CMIP: variants seen among roughly 807,000 people sequenced by gnomAD.
CMIP encodes the protein C-Maf-inducing protein.
Under a neutral mutation model 97.3 loss-of-function variants are expected in CMIP, and 13 were observed. That is an observed-to-expected ratio of 0.13 (90% CI 0.09 to 0.21). The LOEUF is 0.21. CMIP is among the 10% of genes least tolerant of loss of function. CMIP has a pLI of 1.00. For synonymous variants in CMIP, 538 were observed against 436.3 expected (o/e 1.23, Z -2.91); for missense variants, 847 against 1,024.9 (o/e 0.83, Z 2.37).
chr16:81,690,164 T>G (rs1393699342), intron 10 of CMIP, among the ~76,000 whole-genome samples: 6 of 152,222 alleles, frequency 3.9e-5, no homozygotes, highest in African/African-American at 1.2e-4. Context: ...ATATGAACTT[T>G]AAAGTAGTTT....
At chr16:81,687,429 AACTG>A (rs1350337476) in intron 10 of CMIP, among the ~76,000 whole-genome samples, 1 of 152,158 alleles carries the variant, frequency 6.6e-6, no homozygotes, top group Non-Finnish European at 1.5e-5. Flanking sequence ...CTTAGGCGAG[AACTG>A]ACTACCTCTG....
chr16:81,686,560 A>G (rs886311066), intron 10 of CMIP, among the ~76,000 whole-genome samples: 2 of 152,182 alleles, frequency 1.3e-5, no homozygotes, highest in Non-Finnish European at 2.9e-5. Context: ...GGTCGCTGGC[A>G]TCACTGTCAG....
intron 2 of CMIP, among the ~76,000 whole-genome samples, chr16:81,615,405 GGTGTGT>G (rs201365765): frequency 6.9e-6 from 1 of 143,902 alleles, no homozygotes; most frequent in South Asian, 2.3e-4. Context: ...TGTGGTGTAT[GGTGTGT>G]GTGTGTGTGC....
intron 7 of CMIP, chr16:81,666,490 A>G (rs1314163282): frequency 6.6e-6 from 1 of 152,126 alleles, no homozygotes; most frequent in Non-Finnish European, 1.5e-5. Flanking sequence ...GGTTAGTTTT[A>G]TGGGCCTGGA....
intron 10 of CMIP, among the ~76,000 whole-genome samples, chr16:81,682,920 A>G (rs1905017907): frequency 6.6e-6 from 1 of 152,234 alleles, no homozygotes; most frequent in Non-Finnish European, 1.5e-5. Context: ...CATGAGGCGC[A>G]GGAGGGGTGA....
intron 1 of CMIP, among the ~76,000 whole-genome samples, chr16:81,513,203 C>G (rs1344611655): frequency 6.6e-6 from 1 of 152,212 alleles, no homozygotes; most frequent in South Asian, 2.1e-4. Flanking sequence ...CCCCCTAGAT[C>G]GAGTTTTCGT....
chr16:81,657,033 G>A (rs1038338294), intron 4 of CMIP, among the ~76,000 whole-genome samples: 5 of 145,276 alleles, frequency 3.4e-5, no homozygotes, highest in South Asian at 2.3e-4. Context: ...TAAGTATAAT[G>A]CAGATATTCC....
Position 81,672,024 on chromosome 16 carries a change from G to T in CMIP, c.988G>T (p.Val330Leu). The change falls in exon 9 of 21, where the codon GTG becomes TTG. Residue 330 changes from valine (V) to leucine (L), a missense_variant. Coordinates refer to ENST00000537098, the MANE Select transcript of CMIP (RefSeq NM_198390.3). Reference sequence around the variant, plus strand: ...CCGGGTCCTGCCCAACCTGGTGGCCGTGTGCCTGGCTGCCATCTACTCCTG... The same window carrying T: ...CCGGGTCCTGCCCAACCTGGTGGCCTTGTGCCTGGCTGCCATCTACTCCTG... ...HPRVLPNLVAVCLAAIYSCYE... is the reference protein window; with the variant it reads ...HPRVLPNLVALCLAAIYSCYE... The T allele has an allele frequency of 6.2e-7, 1 of 1,605,966 alleles. No homozygotes were observed. Among genetic ancestry groups the T allele is most frequent in the Non-Finnish European group, 8.5e-7 (1 of 1,175,900 alleles).
At chr16:81,595,889 T>C (rs1279872150) in intron 1 of CMIP, among the ~76,000 whole-genome samples, 1 of 152,228 alleles carries the variant, frequency 6.6e-6, no homozygotes, top group African/African-American at 2.4e-5. Context: ...TCACAACTCT[T>C]AGATGTATAT....
intron 1 of CMIP, among the ~76,000 whole-genome samples, chr16:81,497,991 G>A (rs62046564): frequency 0.022 from 3,395 of 152,348 alleles, 49 homozygotes; most frequent in Middle Eastern, 0.034. Context: ...CGGGCACTAA[G>A]TTTCGGTTTC....
At chr16:81,694,244 C>G (rs978902817) in intron 13 of CMIP, among the ~76,000 whole-genome samples, 1 of 152,210 alleles carries the variant, frequency 6.6e-6, no homozygotes, top group African/African-American at 2.4e-5. Flanking sequence ...CTCTGAGATG[C>G]TCACAGCCTG....
chr16:81,562,910 C>G (rs552013134), intron 1 of CMIP, among the ~76,000 whole-genome samples: 5 of 152,176 alleles, frequency 3.3e-5, no homozygotes, highest in Non-Finnish European at 7.3e-5. Flanking sequence ...AAGCCCTTGC[C>G]CTTGTCTGCT....
At chr16:81,486,024 G>A (rs927708162) in intron 1 of CMIP, among the ~76,000 whole-genome samples, 10 of 152,232 alleles carry the variant, frequency 6.6e-5, no homozygotes, top group African/African-American at 2.2e-4. Context: ...GGGGTTGGGC[G>A]TGAGAGCCTG....
chr16:81,691,808 C>T lies in CMIP; in HGVS notation c.1422C>T (p.Ala474=), dbSNP rs748169019. Residue 474 remains alanine, a synonymous_variant, in exon 11 of 21, where the codon GCC becomes GCT. Transcript: ENST00000537098. ...SDYDDWRPSL[A]SLLQPIPFPK... is the part of the protein sequence containing the mutation. ...ATGATGACTGGAGACCGTCTCTGGC[C>T]AGTTTGCTTCAACCCATTCCATTCC... 2.5e-5 allele frequency: 40 copies of T among 1,613,828 alleles called. No homozygotes were observed. The South Asian group carries it at 4.1e-4, about 16-fold the overall frequency.
chr16:81,497,803 G>A (rs2089519474), intron 1 of CMIP, among the ~76,000 whole-genome samples: 1 of 152,222 alleles, frequency 6.6e-6, no homozygotes, highest in South Asian at 2.1e-4. Context: ...GTGCCCCGCC[G>A]CCTCCTCTGC....
chr16:81,640,539 C>T (rs1758368434), intron 3 of CMIP, among the ~76,000 whole-genome samples: 1 of 152,178 alleles, frequency 6.6e-6, no homozygotes, highest in Non-Finnish European at 1.5e-5. Flanking sequence ...AACTGTGTTG[C>T]TTAAAACAAC....
intron 1 of CMIP, among the ~76,000 whole-genome samples, chr16:81,575,908 T>A (rs2091180809): frequency 6.6e-6 from 1 of 152,210 alleles, no homozygotes; most frequent in Non-Finnish European, 1.5e-5. Context: ...TTGGATACAT[T>A]TAGTAGACTG....
chr16:81,706,565 G>C (rs1460084352), intron 19 of CMIP, among the ~76,000 whole-genome samples: 1 of 152,254 alleles, frequency 6.6e-6, no homozygotes, highest in Non-Finnish European at 1.5e-5. Context: ...CTCTGGGAGT[G>C]GGTGGAGGGG....
At chr16:81,593,011 C>G (rs890845228) in intron 1 of CMIP, among the ~76,000 whole-genome samples, 3 of 152,354 alleles carry the variant, frequency 2.0e-5, no homozygotes, top group Non-Finnish European at 4.4e-5. Context: ...ATTTTCATCC[C>G]TCTTCTCATG....
Sources: gnomAD v4.1 joint callset for allele counts (sites outside exome capture counted in the v4.1 genomes callset) on GRCh38, gnomAD v4.1.1 for gene constraint, MANE v1.5 for transcripts, NCBI Gene and HGNC (gene_info 2026-07-23, HGNC 2026-07-21) for gene names.